The following GIGYF2 variants were observed in gnomAD, a reference collection of about 807,000 sequenced individuals.
The protein encoded by GIGYF2 is GRB10-interacting GYF protein 2.
GIGYF2 carries 25 observed loss-of-function variants against 208.1 expected under a neutral mutation model. That is an observed-to-expected ratio of 0.12 (90% CI 0.09 to 0.17). The LOEUF (loss-of-function observed/expected upper bound fraction) is 0.17, where lower values mean the gene tolerates loss of function less well. GIGYF2 is among the 10% of genes least tolerant of loss of function. The pLI, the probability that GIGYF2 is intolerant of heterozygous loss-of-function variation, is 1.00. For missense variants in GIGYF2, 1,302 were observed against 1,579.4 expected (o/e 0.82, Z 2.98); for synonymous variants, 534 against 543.8 (o/e 0.98, Z 0.25).
At chr2:232,811,773 A>G (rs1322959015) in intron 17 of GIGYF2, among the ~76,000 whole-genome samples, 1 of 152,248 alleles carries the variant, frequency 6.6e-6, no homozygotes, top group African/African-American at 2.4e-5. Flanking sequence ...CTAGAAGTCT[A>G]GAAGAAATTT....
intron 2 of GIGYF2, among the ~76,000 whole-genome samples, chr2:232,721,629 A>G (rs1180204607): frequency 6.6e-6 from 1 of 152,082 alleles, no homozygotes; most frequent in African/African-American, 2.4e-5. Context: ...CACATTTTCT[A>G]GTTTAGGTGA....
Position 232,853,844 on chromosome 2 carries a change from A to G in GIGYF2, c.3833-2949A>G, listed in dbSNP as rs535215163. 5.3e-5 allele frequency among the ~76,000 whole-genome samples: 8 copies of G among 152,354 alleles called. No individual in the cohort carries two copies. The East Asian group carries it at 1.4e-3, about 26-fold the overall frequency. ...CTTACATCAAATGGCTGAATTTGAT[A>G]AAGAATGGCATTCAGCCAAAGGATG... On this transcript the variant is annotated intron_variant, in intron 28 of 28. Coordinates refer to ENST00000373563, the MANE Select transcript of GIGYF2 (RefSeq NM_001103146.3).
chr2:232,824,204 G>T (rs1474933367), intron 21 of GIGYF2, among the ~76,000 whole-genome samples: 2 of 152,106 alleles, frequency 1.3e-5, no homozygotes, highest in Non-Finnish European at 2.9e-5. Flanking sequence ...GGCCTCTAAG[G>T]GTTCAAGTGA....
chr2:232,748,291 CT>C (rs532134106), intron 4 of GIGYF2, among the ~76,000 whole-genome samples: 2 of 151,510 alleles, frequency 1.3e-5, no homozygotes, highest in African/African-American at 2.4e-5. Context: ...TCCCAATATA[CT>C]TTTTTTTTGA....
intron 22 of GIGYF2, 40 bp downstream of exon 22, chr2:232,833,133 C>T (rs1477003346): frequency 1.4e-6 from 2 of 1,415,330 alleles, no homozygotes; most frequent in African/African-American, 1.4e-5. Context: ...TCCTTGCTAA[C>T]ATTTTTTAGT....
chr2:232,839,307 A>T (rs192406049), intron 22 of GIGYF2, among the ~76,000 whole-genome samples: 1 of 152,320 alleles, frequency 6.6e-6, no homozygotes, highest in Admixed American at 6.5e-5. Flanking sequence ...AAGCAGCTTA[A>T]TGCTCATGAC....
At chr2:232,803,055 A>C (rs1197482543) in intron 14 of GIGYF2, among the ~76,000 whole-genome samples, 1 of 152,068 alleles carries the variant, frequency 6.6e-6, no homozygotes, top group East Asian at 1.9e-4. Flanking sequence ...GTGTGCCACC[A>C]TGCCCGGCTC....
At chr2:232,797,718 A>G (rs1349480918) in intron 14 of GIGYF2, among the ~76,000 whole-genome samples, 1 of 152,112 alleles carries the variant, frequency 6.6e-6, no homozygotes, top group Non-Finnish European at 1.5e-5. Context: ...GTGGTGGCTC[A>G]TGCCTGTAAT....
Position 232,832,903 on chromosome 2 carries a change from G to A in GIGYF2, c.2576G>A (p.Arg859His), listed in dbSNP as rs1484601269. 8.3e-6 allele frequency: 13 copies of A among 1,563,118 alleles called. No homozygotes were observed. Among genetic ancestry groups the A allele is most frequent in the South Asian group, 1.2e-5 (1 of 84,636 alleles). Residue 859 changes from arginine (R) to histidine (H), a missense_variant, in exon 22 of 29, where the codon CGT (arginine) becomes CAT (histidine). Transcript: ENST00000373563. Reference sequence around the variant, plus strand: ...GCCCGGGAAGAAGAAGAAGCCCAGCGTCGATTAGAGGAGAACCGGCTGCGG... The same window carrying A: ...GCCCGGGAAGAAGAAGAAGCCCAGCATCGATTAGAGGAGAACCGGCTGCGG... ...KWAREEEEAQ[R>H]RLEENRLRME...
chr2:232,788,186 A>G (rs1437965665), intron 9 of GIGYF2: 1 of 153,756 alleles, frequency 6.5e-6, no homozygotes, highest in Non-Finnish European at 1.4e-5. Context: ...AACTGTTTTC[A>G]CTTTTAAAAA....
chr2:232,845,969 A>T lies in GIGYF2; in HGVS notation c.3460+83A>T. ...GGCTGGCAAATTTGAACAGTGGGCCAAAAGTCAAAAGATGAAATCTAAGGA... is the reference window on the plus strand; with the variant it reads ...GGCTGGCAAATTTGAACAGTGGGCCTAAAGTCAAAAGATGAAATCTAAGGA... On this transcript the variant is annotated intron_variant, in intron 26 of 28. Coordinates refer to ENST00000373563, the MANE Select transcript of GIGYF2 (RefSeq NM_001103146.3). The T allele has an allele frequency of 4.6e-6, 4 of 871,662 alleles. No homozygotes were observed. In the South Asian group the frequency reaches 5.6e-5, roughly 12 times the overall value. 54.0% of individuals were successfully genotyped at this position (871,662 alleles called of 1,614,324 possible).
chr2:232,730,451 A>G (rs1225799301), intron 2 of GIGYF2, among the ~76,000 whole-genome samples: 1 of 151,554 alleles, frequency 6.6e-6, no homozygotes, highest in Non-Finnish European at 1.5e-5. Context: ...CTGAAAATAC[A>G]ACAATTAGCT....
At chr2:232,811,373 T>C (rs751752553) in intron 17 of GIGYF2, 22 bp downstream of exon 17, 2 of 1,246,336 alleles carry the variant, frequency 1.6e-6, no homozygotes, top group Non-Finnish European at 2.4e-6. Flanking sequence ...TTCCATTATG[T>C]GTCATATGGG....
chr2:232,757,608 C>T (rs958627293), intron 6 of GIGYF2, among the ~76,000 whole-genome samples: 1 of 152,068 alleles, frequency 6.6e-6, no homozygotes, highest in Non-Finnish European at 1.5e-5. Context: ...TGGGCATTTC[C>T]TGTGTTTTTC....
At chr2:232,758,868 T>C (rs1455918570) in intron 6 of GIGYF2, among the ~76,000 whole-genome samples, 1 of 152,232 alleles carries the variant, frequency 6.6e-6, no homozygotes, top group Non-Finnish European at 1.5e-5. Flanking sequence ...ACATGCGTTA[T>C]ATGACAATTT....
At chr2:232,853,673 T>C (rs569991686) in intron 28 of GIGYF2, among the ~76,000 whole-genome samples, 8 of 152,348 alleles carry the variant, frequency 5.3e-5, no homozygotes, top group African/African-American at 1.9e-4. Flanking sequence ...CAGACTTTCC[T>C]TGTAAGAACA....
At chr2:232,776,483 T>G in intron 8 of GIGYF2, 1 of 1,541,214 alleles carries the variant, frequency 6.5e-7, no homozygotes, top group South Asian at 1.1e-5. Flanking sequence ...CCAAGGTAGG[T>G]CTTAAGGAAA....
chr2:232,725,688 C>G (rs1196331752), intron 2 of GIGYF2, among the ~76,000 whole-genome samples: 1 of 152,212 alleles, frequency 6.6e-6, no homozygotes, highest in Non-Finnish European at 1.5e-5. Flanking sequence ...GAGCTTACTT[C>G]GCATAGTTCA....
intron 6 of GIGYF2, among the ~76,000 whole-genome samples, chr2:232,758,537 A>G (rs990612156): frequency 2.0e-5 from 3 of 152,184 alleles, no homozygotes; most frequent in Admixed American, 6.5e-5. Flanking sequence ...TTCCTTATTC[A>G]TGTATGGGAA....
Sources: gnomAD v4.1 joint callset for allele counts (sites outside exome capture counted in the v4.1 genomes callset) on GRCh38, gnomAD v4.1.1 for gene constraint, MANE v1.5 for transcripts, NCBI Gene and HGNC (gene_info 2026-07-23, HGNC 2026-07-21) for gene names.